Variants in RBM20 observed in about 807,000 individuals in gnomAD.
The protein encoded by RBM20 is RNA binding motif protein 20.
RBM20 carries 51 observed loss-of-function variants against 110.1 expected under a neutral mutation model. The ratio of observed to expected loss-of-function variants is 0.46; its 90% CI spans 0.37 to 0.59. The LOEUF (loss-of-function observed/expected upper bound fraction) is 0.59, where lower values mean the gene tolerates loss of function less well. RBM20 is among the 20% of genes least tolerant of loss of function. The pLI is 0.00. For missense variants in RBM20, 1,512 were observed against 1,574.9 expected (o/e 0.96, Z 0.68); for synonymous variants, 589 against 618.2 (o/e 0.95, Z 0.70).
intron 1 of RBM20, among the ~76,000 whole-genome samples, chr10:110,695,926 G>A (rs190041220): frequency 9.8e-5 from 15 of 152,298 alleles, no homozygotes; most frequent in Admixed American, 7.8e-4. Flanking sequence ...AAAGAACACT[G>A]ATGCATTGTG....
chr10:110,807,948 G>A (rs1163714932), intron 7 of RBM20, among the ~76,000 whole-genome samples: 1 of 152,238 alleles, frequency 6.6e-6, no homozygotes, highest in South Asian at 2.1e-4. Flanking sequence ...CCCGGCGATG[G>A]CAGATCTCAT....
In RBM20 at chr10:110,752,938, TATATATA is replaced by T. The variant is rs201428724; in HGVS notation, c.192-27862_192-27856del. On this transcript the variant is annotated intron_variant, in intron 1 of 13. Coordinates refer to ENST00000369519, the MANE Select transcript of RBM20 (RefSeq NM_001134363.3). ...ATTTATACATATATATATATATATA[TATATATA>T]TTTTTTTTTTTTTTATGAAGTCTCC... 1.1e-3 allele frequency among the ~76,000 whole-genome samples: 101 copies of T among 91,130 alleles called. 1 individual carries two copies. Among genetic ancestry groups the T allele is most frequent in the African/African-American group, 3.9e-3 (85 of 21,574 alleles). 59.8% of individuals were successfully genotyped at this position (91,130 alleles called of 152,430 possible).
intron 1 of RBM20, among the ~76,000 whole-genome samples, chr10:110,678,040 A>G (rs910202153): frequency 6.6e-6 from 1 of 152,208 alleles, no homozygotes; most frequent in Non-Finnish European, 1.5e-5. Context: ...ATTCTTATGG[A>G]TGGAGCTTCC....
In RBM20 at chr10:110,810,454, A is replaced by G; in HGVS notation, c.1872A>G (p.Glu624=). The change falls in exon 8 of 14, where the codon GAA becomes GAG. Residue 624 remains glutamate (E), a synonymous_variant. Transcript: ENST00000369519. ...HSQRERDMFR[E]ADRYGPERPR... ...AGAGGGAGAGGGACATGTTCCGGGA[A>G]GCAGACAGGTGAGGCCCCAAGCCCC... is the stretch of plus-strand genomic sequence containing the variant. 1 of 1,551,338 alleles carries G rather than the reference A, an allele frequency of 6.4e-7. No homozygotes were observed. Among genetic ancestry groups the G allele is most frequent in the Non-Finnish European group, 8.7e-7 (1 of 1,146,696 alleles).
chr10:110,713,841 G>T (rs1005806654), intron 1 of RBM20, among the ~76,000 whole-genome samples: 2 of 152,096 alleles, frequency 1.3e-5, no homozygotes, highest in African/African-American at 4.8e-5. Context: ...CACAATCCCG[G>T]GCTCCTTATC....
At chr10:110,747,189 TA>T (rs1256736818) in intron 1 of RBM20, among the ~76,000 whole-genome samples, 1 of 151,986 alleles carries the variant, frequency 6.6e-6, no homozygotes, top group East Asian at 1.9e-4. Flanking sequence ...AATAGAAAGT[TA>T]AAAAAATACC....
chr10:110,708,680 T>C (rs760010564), intron 1 of RBM20, among the ~76,000 whole-genome samples: 1 of 152,198 alleles, frequency 6.6e-6, no homozygotes, highest in Non-Finnish European at 1.5e-5. Flanking sequence ...TAGCTCTGAG[T>C]TCAAGTTTTT....
chr10:110,807,341 A>G (rs1342174877), intron 7 of RBM20, among the ~76,000 whole-genome samples: 3 of 152,228 alleles, frequency 2.0e-5, no homozygotes, highest in African/African-American at 7.2e-5. Flanking sequence ...AATAAGGGGC[A>G]GAGGAATGTT....
chr10:110,831,680 A>AC (rs1267001998), intron 13 of RBM20, among the ~76,000 whole-genome samples: 60 of 144,468 alleles, frequency 4.2e-4, no homozygotes, highest in African/African-American at 1.1e-3. Flanking sequence ...AAAAAAAAAA[A>AC]AAAAAAAAAA....
chr10:110,776,749 T>C (rs879301047), intron 1 of RBM20, among the ~76,000 whole-genome samples: 2 of 152,242 alleles, frequency 1.3e-5, no homozygotes, highest in Admixed American at 6.5e-5. Context: ...TAAGATAACA[T>C]ATTCACAGCC....
Position 110,781,981 on chromosome 10 carries a change from G to A in RBM20, c.1275+97G>A, listed in dbSNP as rs557610031. On this transcript the variant is annotated intron_variant, in intron 2 of 13. Transcript: ENST00000369519. The stretch of plus-strand genomic sequence containing the variant: ...CGCTGCCAATGGGCAAGGAACTGTT[G>A]CATTGGGGTAACAGAATTTTGCCAT... 14 of 1,431,984 alleles carry A rather than the reference G, an allele frequency of 9.8e-6. No individual in the cohort carries two copies. In the East Asian group the frequency reaches 1.7e-4, roughly 18 times the overall value. The allele number at this position is 1,431,984 out of a possible 1,614,324, so 88.7% of individuals were successfully genotyped here. A position where few individuals can be genotyped will look rare whatever the true frequency, so the allele number is the denominator to read the frequency against.
Position 110,644,394 on chromosome 10 carries a change from G to C in RBM20, c.-61G>C. Reference sequence around the variant, plus strand: ...GGGACCCCGGCCAGTGAGCGCCCGTGGCCCGGGACCGCCCCTCCCTTGAGC... The same window carrying C: ...GGGACCCCGGCCAGTGAGCGCCCGTCGCCCGGGACCGCCCCTCCCTTGAGC... On this transcript the variant is annotated 5_prime_UTR_variant, in exon 1 of 14. Transcript: ENST00000369519. This position sits in a 1 kb window ranked among gnomAD's most constrained non-coding sequence, Gnocchi z 4.3. The C allele has an allele frequency of 1.5e-6, 2 of 1,327,088 alleles. No individual in the cohort carries two copies. Among genetic ancestry groups the C allele is most frequent in the East Asian group, 6.2e-5 (2 of 32,474 alleles). The allele number at this position is 1,327,088 out of a possible 1,614,324, so 82.2% of individuals were successfully genotyped here. A position where few individuals can be genotyped will look rare whatever the true frequency, so the allele number is the denominator to read the frequency against.
In RBM20 at chr10:110,644,448, GC is replaced by G; in HGVS notation, c.-3del. Reference sequence around the variant, plus strand: ...CTCGCCGCGATCCCGGGCGGGTCTCGCCCCGCATGGTGCTGGCAGCAGCCAT... The same window carrying G: ...CTCGCCGCGATCCCGGGCGGGTCTCGCCCGCATGGTGCTGGCAGCAGCCAT... On this transcript the variant is annotated 5_prime_UTR_variant, in exon 1 of 14. Transcript: ENST00000369519. The surrounding 1 kb of genome is among the most constrained non-coding windows in gnomAD (Gnocchi z 4.3). The G allele has an allele frequency of 1.4e-6, 2 of 1,480,710 alleles. No individual in the cohort carries two copies. Among genetic ancestry groups the G allele is most frequent in the Non-Finnish European group, 1.8e-6 (2 of 1,120,578 alleles). The allele number at this position is 1,480,710 out of a possible 1,614,324, so 91.7% of individuals were successfully genotyped here.
chr10:110,648,878 A>G (rs1423690493), intron 1 of RBM20, among the ~76,000 whole-genome samples: 2 of 152,344 alleles, frequency 1.3e-5, no homozygotes, highest in East Asian at 3.9e-4. Flanking sequence ...TCAAATTGCC[A>G]AAGAGATCAG....
At chr10:110,823,060 C>A (rs564711378) in intron 11 of RBM20, among the ~76,000 whole-genome samples, 3 of 152,130 alleles carry the variant, frequency 2.0e-5, no homozygotes, top group African/African-American at 7.2e-5. Context: ...AACAGCTTGA[C>A]AAGCTTGGGG....
intron 1 of RBM20, among the ~76,000 whole-genome samples, chr10:110,724,628 C>T (rs944991737): frequency 2.0e-5 from 3 of 152,096 alleles, no homozygotes; most frequent in East Asian, 1.9e-4. Flanking sequence ...CAGCCATGGG[C>T]GTGCTGGGCC....
chr10:110,836,433 C>T lies in RBM20; in HGVS notation c.*455C>T, dbSNP rs1468786142. On this transcript the variant is annotated 3_prime_UTR_variant, in exon 14 of 14. Transcript: ENST00000369519. Reference sequence around the variant, plus strand: ...GGAAACTCCTGGGTCAGGCGAACCCCTGCAGTGAGTCTACAGCAGTATCTC... The same window carrying T: ...GGAAACTCCTGGGTCAGGCGAACCCTTGCAGTGAGTCTACAGCAGTATCTC... The T allele has an allele frequency of 6.5e-6, 1 of 152,974 alleles. No individual in the cohort carries two copies. The highest frequency in any genetic ancestry group is 1.5e-5 in the Non-Finnish European group (1 of 68,634). 9.5% of individuals were successfully genotyped at this position (152,974 alleles called of 1,614,324 possible). A position where few individuals can be genotyped will look rare whatever the true frequency, so the allele number is the denominator to read the frequency against.
intron 1 of RBM20, among the ~76,000 whole-genome samples, chr10:110,747,842 T>C (rs552476337): frequency 6.6e-6 from 1 of 151,418 alleles, no homozygotes; most frequent in South Asian, 2.1e-4. Flanking sequence ...TTTAGAAAGT[T>C]TTCTTTCTGC....
At position 110,644,752 on chromosome 10, in the gene RBM20, C is replaced by G; in HGVS notation, c.191+107C>G. The G allele has an allele frequency of 3.4e-6, 3 of 888,078 alleles. No individual in the cohort carries two copies. The highest frequency in any genetic ancestry group is 2.0e-5 in the South Asian group (1 of 50,526). 55.0% of individuals were successfully genotyped at this position (888,078 alleles called of 1,614,324 possible). On this transcript the variant is annotated intron_variant, in intron 1 of 13. Coordinates refer to ENST00000369519, the MANE Select transcript of RBM20 (RefSeq NM_001134363.3). The surrounding 1 kb of genome is among the most constrained non-coding windows in gnomAD (Gnocchi z 4.3). Reference sequence around the variant, plus strand: ...TCCCTGCTGAACTTCGCTCGCCCCCCTTGGGTTTGAAGTTTTCTCGTACCC... The same window carrying G: ...TCCCTGCTGAACTTCGCTCGCCCCCGTTGGGTTTGAAGTTTTCTCGTACCC...
Sources: gnomAD v4.1 joint callset for allele counts (sites outside exome capture counted in the v4.1 genomes callset) on GRCh38, gnomAD v4.1.1 for gene constraint, Gnocchi (gnomAD v3.1) non-coding constraint, MANE v1.5 for transcripts, NCBI Gene and HGNC (gene_info 2026-07-23, HGNC 2026-07-21) for gene names.